CNTN6: variants seen among roughly 807,000 people sequenced by gnomAD.
CNTN6 encodes contactin-6.
In CNTN6, 137 loss-of-function variants were observed where a neutral mutation model predicts 122.8. The observed-to-expected ratio is 1.12, with a 90% CI of 0.97 to 1.29. The LOEUF (loss-of-function observed/expected upper bound fraction) is 1.29. CNTN6 is among the 50% of genes most tolerant of loss of function. CNTN6 has a pLI of 0.00. For missense variants in CNTN6, 1,634 were observed against 1,223.4 expected, an observed-to-expected ratio of 1.34 and a Z score of -5.01; for synonymous variants, 570 against 426.0, an observed-to-expected ratio of 1.34 and a Z score of -4.16.
intron 4 of CNTN6, among the ~76,000 whole-genome samples, chr3:1,251,927 G>A (rs1250615496): frequency 2.6e-5 from 4 of 152,128 alleles, no homozygotes; most frequent in African/African-American, 7.2e-5. Context: ...GACTTTGGCT[G>A]TACTTGAGAT....
At chr3:1,256,763 A>G (rs1401577818) in intron 4 of CNTN6, among the ~76,000 whole-genome samples, 1 of 152,136 alleles carries the variant, frequency 6.6e-6, no homozygotes, top group Non-Finnish European at 1.5e-5. Context: ...TCATCTGATT[A>G]TATGTCTTTA....
chr3:1,304,987 C>CA (rs4065396), intron 7 of CNTN6, among the ~76,000 whole-genome samples: 33,215 of 103,068 alleles, frequency 0.32, 5,878 homozygotes, highest in Non-Finnish European at 0.38. Flanking sequence ...GAGACTCTGT[C>CA]AAAAAAAAAA....
At chr3:1,377,347 C>T (rs992969272) in intron 17 of CNTN6, among the ~76,000 whole-genome samples, 2 of 152,092 alleles carry the variant, frequency 1.3e-5, no homozygotes, top group Middle Eastern at 3.2e-3. Context: ...TTTTCGTTAT[C>T]GCTTGATGAA....
At position 1,150,849 on chromosome 3, in the gene CNTN6, A is replaced by G. The variant is rs182137894; in HGVS notation, c.55+2786A>G. On this transcript the variant is annotated intron_variant, in intron 2 of 22. Transcript: ENST00000446702. Reference sequence around the variant, plus strand: ...ATAGCCCTGGACTATCCAGATTGTAAGAAGGAGGCAGAGTTAGACCTGACA... The same window carrying G: ...ATAGCCCTGGACTATCCAGATTGTAGGAAGGAGGCAGAGTTAGACCTGACA... 1.5e-3 allele frequency among the ~76,000 whole-genome samples: 223 copies of G among 152,280 alleles called. 1 individual carries two copies. The highest frequency in any genetic ancestry group is 5.2e-3 in the African/African-American group (217 of 41,564).
intron 5 of CNTN6, among the ~76,000 whole-genome samples, chr3:1,290,984 C>T (rs1365363756): frequency 2.0e-5 from 3 of 152,120 alleles, no homozygotes; most frequent in African/African-American, 7.2e-5. Context: ...TCTGCAAATA[C>T]AGCCCAGTAG....
intron 11 of CNTN6, among the ~76,000 whole-genome samples, chr3:1,346,029 T>C (rs1704636669): frequency 1.3e-5 from 2 of 152,012 alleles, no homozygotes; most frequent in South Asian, 2.1e-4. Context: ...CTAATCCTCT[T>C]TGTCCTCAAA....
At chr3:1,160,432 G>A (rs2093105533) in intron 2 of CNTN6, among the ~76,000 whole-genome samples, 1 of 146,616 alleles carries the variant, frequency 6.8e-6, no homozygotes, top group African/African-American at 2.5e-5. Flanking sequence ...ATTCAATATC[G>A]GGTTTGTGAG....
chr3:1,216,583 A>G (rs1036200024), intron 2 of CNTN6, among the ~76,000 whole-genome samples: 13 of 152,208 alleles, frequency 8.5e-5, no homozygotes, highest in African/African-American at 3.1e-4. Flanking sequence ...TTACAGGAAC[A>G]CTAAAATATA....
intron 2 of CNTN6, among the ~76,000 whole-genome samples, chr3:1,161,803 A>ACAC (rs1559429428): frequency 2.0e-4 from 28 of 143,358 alleles, no homozygotes; most frequent in African/African-American, 7.2e-4. Flanking sequence ...CACACACACA[A>ACAC]ACATATATAT....
chr3:1,365,569 A>G (rs780761686), intron 12 of CNTN6, among the ~76,000 whole-genome samples: 3 of 152,058 alleles, frequency 2.0e-5, no homozygotes, highest in Non-Finnish European at 2.9e-5. Flanking sequence ...TTCCATTTCT[A>G]TGTACGAACA....
chr3:1,135,624 C>T (rs952603791), intron 1 of CNTN6, among the ~76,000 whole-genome samples: 1 of 152,134 alleles, frequency 6.6e-6, no homozygotes, highest in African/African-American at 2.4e-5. Context: ...TGTATATACA[C>T]TACATATATA....
At chr3:1,371,627 T>C (rs1246911005) in intron 12 of CNTN6, among the ~76,000 whole-genome samples, 1 of 152,132 alleles carries the variant, frequency 6.6e-6, no homozygotes, top group African/African-American at 2.4e-5. Context: ...TTTGAAATTT[T>C]GGTCAATGAA....
intron 11 of CNTN6, among the ~76,000 whole-genome samples, chr3:1,340,463 G>A (rs1044164394): frequency 2.0e-5 from 3 of 152,128 alleles, no homozygotes; most frequent in Admixed American, 6.5e-5. Flanking sequence ...AATACACAAT[G>A]TTCGGAAGAC....
At position 1,372,958 on chromosome 3, in the gene CNTN6, A is replaced by T; in HGVS notation, c.1786+3A>T. 6.7e-7 allele frequency: 1 copy of T among 1,499,350 alleles called. No homozygotes were observed. Among genetic ancestry groups the T allele is most frequent in the Non-Finnish European group, 9.2e-7 (1 of 1,082,284 alleles). The allele number at this position is 1,499,350 out of a possible 1,614,324, so 92.9% of individuals were successfully genotyped here. A position where few individuals can be genotyped will look rare whatever the true frequency, so the allele number is the denominator to read the frequency against. On this transcript the variant is annotated splice_donor_region_variant and intron_variant, in intron 14 of 22. Coordinates refer to ENST00000446702, the MANE Select transcript of CNTN6 (RefSeq NM_001289080.2). ...AGTAGCCGATATCATTGTTAGAGGT[A>T]AGCATAAATGGTGAAAAAGTGATCA...
chr3:1,165,207 G>A (rs2125264490), intron 2 of CNTN6, among the ~76,000 whole-genome samples: 1 of 152,232 alleles, frequency 6.6e-6, no homozygotes, highest in Middle Eastern at 3.4e-3. Context: ...TCATTTCACT[G>A]AAAGATCTGG....
chr3:1,372,140 T>C (rs1709103047), intron 12 of CNTN6, among the ~76,000 whole-genome samples, 159 bp from the exon 13 acceptor site: 1 of 152,146 alleles, frequency 6.6e-6, no homozygotes. Flanking sequence ...ATACAAGACA[T>C]TTAAAAACAG....
chr3:1,373,948 C>T lies in CNTN6; in HGVS notation c.1970C>T (p.Thr657Ile), dbSNP rs1709485691. ...GTTCCAGAAATTCTCAATGGTAAGA[C>T]ATACAATGCAACAGTGGTTGGTTTG... The part of the protein sequence containing the change: ...ATVPEILNGK[T>I]YNATVVGLSP... The change falls in exon 16 of 23, where the codon ACA becomes ATA. Residue 657 changes from threonine to isoleucine, a missense_variant. Coordinates refer to ENST00000446702, the MANE Select transcript of CNTN6 (RefSeq NM_001289080.2). The T allele has an allele frequency of 1.2e-6, 2 of 1,612,228 alleles. No individual in the cohort carries two copies. The highest frequency in any genetic ancestry group is 1.3e-5 in the African/African-American group (1 of 74,818).
At chr3:1,213,650 C>A (rs1265267547) in intron 2 of CNTN6, among the ~76,000 whole-genome samples, 1 of 151,734 alleles carries the variant, frequency 6.6e-6, no homozygotes, top group East Asian at 1.9e-4. Flanking sequence ...AAAAGATATA[C>A]TGTATTCATG....
rs558462367 is a variant in CNTN6 at position 1,365,665 on chromosome 3, A to C, written c.1493-6634A>C. 3.3e-5 allele frequency among the ~76,000 whole-genome samples: 5 copies of C among 152,224 alleles called. No individual in the cohort carries two copies. In the East Asian group the frequency reaches 9.6e-4, roughly 29 times the overall value. Reference sequence around the variant, plus strand: ...AAACCTTGAATTAAATAAAATTTTAAAAATAAATAAACTTACTTTTAATGA... The same window carrying C: ...AAACCTTGAATTAAATAAAATTTTACAAATAAATAAACTTACTTTTAATGA... On this transcript the variant is annotated intron_variant, in intron 12 of 22. Coordinates refer to ENST00000446702, the MANE Select transcript of CNTN6 (RefSeq NM_001289080.2).
Sources: allele counts gnomAD v4.1 joint callset (sites outside exome capture counted in the v4.1 genomes callset), GRCh38; gene constraint gnomAD v4.1.1; transcripts MANE v1.5; gene names NCBI Gene and HGNC (gene_info 2026-07-23, HGNC 2026-07-21).